Variants in ULK2 observed in about 807,000 individuals in gnomAD.
ULK2 encodes the protein serine/threonine-protein kinase ULK2.
Under a neutral mutation model 127.5 loss-of-function variants are expected in ULK2, and 76 were observed. That is an observed-to-expected ratio of 0.60 (90% CI 0.50 to 0.72). The LOEUF is 0.72. Ranked by LOEUF, ULK2 falls within the 30% of genes least tolerant of loss-of-function variation. The probability of loss-of-function intolerance (pLI) is 0.00; values close to 1 mark genes in which losing one functional copy is unlikely to be tolerated. For synonymous variants in ULK2, 452 were observed against 461.9 expected (o/e 0.98, Z 0.28); for missense variants, 1,144 against 1,295.9 (o/e 0.88, Z 1.80).
Position 19,851,326 on chromosome 17 carries a change from C to CAAAAAAAA in ULK2, c.226-1560_226-1553dup, listed in dbSNP as rs554643908. Among the ~76,000 whole-genome samples, 14 of 41,050 alleles carry CAAAAAAAA rather than the reference C, an allele frequency of 3.4e-4. 1 individual carries two copies. The highest frequency in any genetic ancestry group is 1.3e-3 in the African/African-American group (14 of 10,730). 26.9% of individuals were successfully genotyped at this position (41,050 alleles called of 152,430 possible). A position where few individuals can be genotyped will look rare whatever the true frequency, so the allele number is the denominator to read the frequency against. On this transcript the variant is annotated intron_variant, in intron 3 of 26. Coordinates refer to ENST00000395544, the MANE Select transcript of ULK2 (RefSeq NM_014683.4). ...TGGGCAACAGAGTGAGACTTCCCCT[C>CAAAAAAAA]AAAAAAAAAAAAAAAAAAAAAAAAA...
In ULK2 at chr17:19,841,494, C is replaced by T; in HGVS notation, c.699G>A (p.Met233Ile). ...RMFYEKNRSL[M>I]PSIPRETSPY... is the part of the protein sequence containing the mutation. ...AGTGTAATCTAAACACATACCTAGG[C>T]ATTAAGCTCCTGTTTTTTTCATAAA... Residue 233 changes from methionine (M) to isoleucine (I), a missense_variant, in exon 9 of 27, where the codon ATG becomes ATA. Coordinates refer to ENST00000395544, the MANE Select transcript of ULK2 (RefSeq NM_014683.4). 1 of 1,592,346 alleles carries T rather than the reference C, an allele frequency of 6.3e-7. No homozygotes were observed. Among genetic ancestry groups the T allele is most frequent in the South Asian group, 1.2e-5 (1 of 85,956 alleles).
intron 20 of ULK2, among the ~76,000 whole-genome samples, chr17:19,789,318 T>C (rs573748650): frequency 1.1e-4 from 16 of 151,156 alleles, no homozygotes; most frequent in Admixed American, 2.6e-4. Flanking sequence ...TGGTAATCCA[T>C]AGAATTCTTC....
At chr17:19,846,655 AT>A (rs1288857881) in intron 6 of ULK2, 81 bp downstream of exon 6, 10 of 1,415,118 alleles carry the variant, frequency 7.1e-6, no homozygotes, top group South Asian at 4.5e-5. Flanking sequence ...AAAAAAAAAA[AT>A]CCATCATTCA....
chr17:19,778,786 G>A (rs2086859278), intron 25 of ULK2, among the ~76,000 whole-genome samples: 1 of 151,936 alleles, frequency 6.6e-6, no homozygotes. Context: ...ATAATTTCAA[G>A]CAGCTAACAA....
At chr17:19,864,448 C>T (rs747564853) in intron 3 of ULK2, among the ~76,000 whole-genome samples, 4 of 151,572 alleles carry the variant, frequency 2.6e-5, no homozygotes, top group Non-Finnish European at 5.9e-5. Flanking sequence ...GCACTGCAGC[C>T]CAAGAGACAG....
At chr17:19,833,364 C>G (rs1176431882) in intron 10 of ULK2, among the ~76,000 whole-genome samples, 1 of 47,656 alleles carries the variant, frequency 2.1e-5, no homozygotes, top group Admixed American at 2.6e-4. Flanking sequence ...TTATTATAAA[C>G]AAATTTTTTT....
chr17:19,813,984 C>T (rs2040904228), intron 13 of ULK2, among the ~76,000 whole-genome samples: 1 of 152,028 alleles, frequency 6.6e-6, no homozygotes, highest in African/African-American at 2.4e-5. Flanking sequence ...CAAGAATAGC[C>T]AGAGTGATTC....
chr17:19,799,267 GTTAT>G (rs1328131735), intron 17 of ULK2, among the ~76,000 whole-genome samples: 1 of 151,480 alleles, frequency 6.6e-6, no homozygotes, highest in Non-Finnish European at 1.5e-5. Context: ...ACTTAGCCAA[GTTAT>G]TTAATTTCTA....
Position 19,783,816 on chromosome 17 carries a change from G to T in ULK2, c.2341C>A (p.Pro781Thr). ...SPPGPGFGSS[P>T]PGAEAAPSLR... ...CTGGGAGCTGCCTCTGCTCCTGGAG[G>T]GGAAGAGCCGAAGCCTGGGCCAGGC... The change falls in exon 22 of 27, where the codon CCT (proline) becomes ACT (threonine). Residue 781 changes from proline to threonine, a missense_variant. Transcript: ENST00000395544. 6.2e-7 allele frequency: 1 copy of T among 1,602,912 alleles called. No homozygotes were observed. Among genetic ancestry groups the T allele is most frequent in the Non-Finnish European group, 8.5e-7 (1 of 1,174,444 alleles).
At chr17:19,860,296 G>C (rs2042214622) in intron 3 of ULK2, among the ~76,000 whole-genome samples, 1 of 152,136 alleles carries the variant, frequency 6.6e-6, no homozygotes, top group Non-Finnish European at 1.5e-5. Context: ...CATCTAAACT[G>C]AAAGCTGATT....
rs2041690960 is a variant in ULK2, at chr17:19,839,677, G to GA, written c.705-1095dup. On this transcript the variant is annotated intron_variant, in intron 9 of 26. Transcript: ENST00000395544. ...CTCTGTCTCAAAAAAAAAAAAAAAA[G>GA]AAAGAAAAGAAAAGAAAAAGATATT... Among the ~76,000 whole-genome samples the GA allele has an allele frequency of 5.5e-5, 8 of 144,612 alleles. No homozygotes were observed. In the South Asian group the frequency reaches 1.8e-3, roughly 32 times the overall value. 94.9% of individuals were successfully genotyped at this position (144,612 alleles called of 152,430 possible). A position where few individuals can be genotyped will look rare whatever the true frequency, so the allele number is the denominator to read the frequency against.
chr17:19,804,231 AAAAAG>A (rs1261900380), intron 15 of ULK2, among the ~76,000 whole-genome samples: 1 of 28,658 alleles, frequency 3.5e-5, no homozygotes, highest in Non-Finnish European at 2.1e-4. Flanking sequence ...AGCACAAAAG[AAAAAG>A]AAAAAAAAAA....
At chr17:19,865,307 C>T (rs1407251652) in intron 2 of ULK2, among the ~76,000 whole-genome samples, 3 of 152,112 alleles carry the variant, frequency 2.0e-5, no homozygotes, top group African/African-American at 7.2e-5. Context: ...TTAGATAACA[C>T]TGGTTGTGAG....
intron 20 of ULK2, among the ~76,000 whole-genome samples, chr17:19,795,080 CA>C (rs111293329): frequency 7.0e-5 from 10 of 143,212 alleles, no homozygotes; most frequent in Non-Finnish European, 9.2e-5. Flanking sequence ...CTTCATCTCC[CA>C]AAAAAAAAAC....
At chr17:19,849,638 A>G (rs1299234294) in intron 4 of ULK2, 104 bp downstream of exon 4, 3 of 919,454 alleles carry the variant, frequency 3.3e-6, no homozygotes, top group Non-Finnish European at 4.9e-6. Flanking sequence ...TTTAAAGTTC[A>G]TATTAATCAA....
Position 19,777,604 on chromosome 17 carries a change from G to C in ULK2, c.3029C>G (p.Ala1010Gly). The C allele has an allele frequency of 6.2e-7, 1 of 1,608,618 alleles. No homozygotes were observed. Among genetic ancestry groups the C allele is most frequent in the Non-Finnish European group, 8.5e-7 (1 of 1,178,630 alleles). The change falls in exon 26 of 27, where the codon GCA becomes GGA. Residue 1010 changes from alanine (A) to glycine (G), a missense_variant. By Grantham distance (60) the Ala-to-Gly change is moderately conservative. This residue lies in a region of ULK2 where 913 missense variants were observed against 970.5 expected (regional missense o/e 0.94). Transcript: ENST00000395544. ...EGLSRILQDPADIENVHKYKC... is the reference protein window; with the variant it reads ...EGLSRILQDPGDIENVHKYKC... ...ACATTTATGCACATTTTCAATATCT[G>C]CAGGGTCCTGTAGAATCCTACTTAG... is the stretch of plus-strand genomic sequence containing the variant.
chr17:19,786,960 T>C (rs2087046434), intron 20 of ULK2, among the ~76,000 whole-genome samples: 1 of 152,054 alleles, frequency 6.6e-6, no homozygotes. Context: ...ACAGTTGCAC[T>C]GTCAGGTCTA....
intron 12 of ULK2, among the ~76,000 whole-genome samples, chr17:19,818,189 G>A (rs538754735): frequency 5.9e-5 from 9 of 152,012 alleles, no homozygotes; most frequent in Admixed American, 2.0e-4. Flanking sequence ...CGGGCATGAC[G>A]GCGGGCGCCT....
chr17:19,789,917 A>G (rs1478541559), intron 20 of ULK2, among the ~76,000 whole-genome samples: 1 of 151,768 alleles, frequency 6.6e-6, no homozygotes, highest in East Asian at 1.9e-4. Flanking sequence ...TGCCAAAAAA[A>G]AAAAAAAACA....
Sources: allele counts gnomAD v4.1 joint callset (sites outside exome capture counted in the v4.1 genomes callset), GRCh38; gene constraint gnomAD v4.1.1; regional missense constraint gnomAD v4.1.1; transcripts MANE v1.5; gene names NCBI Gene and HGNC (gene_info 2026-07-23, HGNC 2026-07-21).